RAVER2: variants seen among roughly 807,000 people sequenced by gnomAD.
The protein encoded by RAVER2 is ribonucleoprotein PTB-binding 2.
In RAVER2, 46 loss-of-function variants were observed where a neutral mutation model predicts 78.1. The observed-to-expected ratio is 0.59, with a 90% confidence interval of 0.46 to 0.75. The LOEUF (loss-of-function observed/expected upper bound fraction) is 0.75, where lower values mean the gene tolerates loss of function less well. Ranked by LOEUF, RAVER2 falls within the 30% of genes least tolerant of loss-of-function variation. RAVER2 has a pLI of 0.00. For synonymous variants in RAVER2, 311 were observed against 313.3 expected, an observed-to-expected ratio of 0.99 and a Z score of 0.08; for missense variants, 793 against 837.5, an observed-to-expected ratio of 0.95 and a Z score of 0.66.
At chr1:64,769,246 A>G (rs1652252660) in intron 2 of RAVER2, among the ~76,000 whole-genome samples, 2 of 152,068 alleles carry the variant, frequency 1.3e-5, no homozygotes, top group Admixed American at 1.3e-4. Context: ...TCAAATGGTA[A>G]TATTTTGTCT....
rs753375050 is a variant in RAVER2 at position 64,755,724 on chromosome 1, G to GTTTTTTT, written c.249+10326_249+10332dup. Among the ~76,000 whole-genome samples, 40 of 60,660 alleles carry GTTTTTTT rather than the reference G, an allele frequency of 6.6e-4. 5 individuals carry two copies. The highest frequency in any genetic ancestry group is 1.7e-3 in the African/African-American group (23 of 13,886). 39.8% of individuals were successfully genotyped at this position (60,660 alleles called of 152,430 possible). On this transcript the variant is annotated intron_variant, in intron 1 of 11. Coordinates refer to ENST00000294428, the Ensembl canonical transcript of RAVER2. ...CATTTCTCTGACTTTATGCTTCATA[G>GTTTTTTT]TTTTTTTTTTTTTTTTTTTTTTTTT...
intron 1 of RAVER2, among the ~76,000 whole-genome samples, chr1:64,759,527 A>AT (rs1417091087): frequency 9.4e-5 from 10 of 106,824 alleles, no homozygotes; most frequent in Admixed American, 8.3e-4. Flanking sequence ...CCTATTTATT[A>AT]TTTTTTTGAG....
intron 4 of RAVER2, among the ~76,000 whole-genome samples, chr1:64,785,124 A>G (rs1652742421): frequency 6.6e-6 from 1 of 152,222 alleles, no homozygotes; most frequent in Non-Finnish European, 1.5e-5. Flanking sequence ...GATAGTAGTG[A>G]CAGTGAGAAA....
intron 1 of RAVER2, among the ~76,000 whole-genome samples, chr1:64,768,395 G>A (rs1317834566): frequency 6.6e-6 from 1 of 152,000 alleles, no homozygotes; most frequent in African/African-American, 2.4e-5. Context: ...GAATAAGTGT[G>A]AGTAGAAAGA....
At chr1:64,766,976 G>C (rs1475743148) in intron 1 of RAVER2, among the ~76,000 whole-genome samples, 1 of 152,030 alleles carries the variant, frequency 6.6e-6, no homozygotes. Context: ...CTTTATAATT[G>C]AGCATAGTAC....
chr1:64,745,320 C>T lies in RAVER2; in HGVS notation c.148C>T (p.His50Tyr). 6.6e-7 allele frequency: 1 copy of T among 1,526,130 alleles called. No individual in the cohort carries two copies. Among genetic ancestry groups the T allele is most frequent in the East Asian group, 2.7e-5 (1 of 37,642 alleles). 94.5% of individuals were successfully genotyped at this position (1,526,130 alleles called of 1,614,324 possible). Residue 50 changes from histidine (H) to tyrosine (Y), a missense_variant, in exon 1 of 12, where the codon CAC (histidine) becomes TAC (tyrosine). By Grantham distance (83) the His-to-Tyr change is moderately conservative. Coordinates refer to ENST00000294428, the Ensembl canonical transcript of RAVER2. The surrounding 1 kb of genome is among the most constrained non-coding windows in gnomAD (Gnocchi z 4.3). ...CCCGGACCCGATGCCCGCCGCGCTGCACCCTGAGGAGGTCGCCGCGCGACT... is the reference window on the plus strand; with the variant it reads ...CCCGGACCCGATGCCCGCCGCGCTGTACCCTGAGGAGGTCGCCGCGCGACT...
chr1:64,768,908 T>G (rs1004568434), intron 2 of RAVER2, among the ~76,000 whole-genome samples, 186 bp downstream of exon 2: 6 of 152,026 alleles, frequency 3.9e-5, no homozygotes, highest in Non-Finnish European at 5.9e-5. Context: ...ATTAATTGCA[T>G]AAATGAATAT....
At chr1:64,748,815 G>A (rs552229194) in intron 1 of RAVER2, among the ~76,000 whole-genome samples, 175 of 152,242 alleles carry the variant, frequency 1.1e-3, no homozygotes, top group Non-Finnish European at 1.8e-3. Context: ...CCCTGCCTAC[G>A]TTTCCAGTCT....
intron 1 of RAVER2, among the ~76,000 whole-genome samples, chr1:64,748,822 G>C (rs1259651707): frequency 6.6e-6 from 1 of 152,082 alleles, no homozygotes; most frequent in South Asian, 2.1e-4. Context: ...TACGTTTCCA[G>C]TCTCATTCCT....
chr1:64,766,451 T>C (rs1042304337), intron 1 of RAVER2, among the ~76,000 whole-genome samples: 2 of 152,148 alleles, frequency 1.3e-5, no homozygotes, highest in African/African-American at 4.8e-5. Flanking sequence ...AACCAGGGCA[T>C]GGAGAAAAAT....
In RAVER2 at chr1:64,768,591, T is replaced by C; in HGVS notation, c.250-65T>C. The stretch of plus-strand genomic sequence containing the variant: ...AATGGTGGTGGTGGTGGTAGGCTAA[T>C]AGAGCTAGATTATCTAGTAACTGCA... On this transcript the variant is annotated intron_variant, in intron 1 of 11. Coordinates refer to ENST00000294428, the Ensembl canonical transcript of RAVER2. 9.1e-6 allele frequency: 9 copies of C among 994,152 alleles called. No homozygotes were observed. In the South Asian group the frequency reaches 1.1e-4, roughly 12 times the overall value. 61.6% of individuals were successfully genotyped at this position (994,152 alleles called of 1,614,324 possible).
rs114170514 is a variant in RAVER2, at chr1:64,800,231, A to G, written c.1106-2745A>G. On this transcript the variant is annotated intron_variant, in intron 5 of 11. Transcript: ENST00000294428. ...TTGCAGATATTTTCTCCCATTCTAC[A>G]AGTTGTACGTGTTCACCCTATTGAT... Among the ~76,000 whole-genome samples the G allele has an allele frequency of 3.7e-3, 567 of 151,920 alleles. 7 individuals carry two copies. The highest frequency in any genetic ancestry group is 0.013 in the African/African-American group (543 of 41,436).
intron 2 of RAVER2, among the ~76,000 whole-genome samples, chr1:64,773,750 C>T (rs576821078): frequency 2.6e-5 from 4 of 152,320 alleles, no homozygotes; most frequent in East Asian, 1.9e-4. Flanking sequence ...CTTGAGGAAT[C>T]GCCACACTGT....
chr1:64,786,950 G>A (rs550004986), intron 4 of RAVER2, among the ~76,000 whole-genome samples: 4 of 152,092 alleles, frequency 2.6e-5, no homozygotes, highest in Non-Finnish European at 2.9e-5. Context: ...TATAGAATTG[G>A]TTTTTTGAGG....
rs1477322463 is a variant in RAVER2 at position 64,768,843 on chromosome 1, A to G, written c.316+121A>G. ...TCATGGAATTTTTAAGCCTTAAATC[A>G]TTCGAATGTAACCCACACTGTCTAT... is the stretch of plus-strand genomic sequence containing the variant. On this transcript the variant is annotated intron_variant, in intron 2 of 11. Coordinates refer to ENST00000294428, the Ensembl canonical transcript of RAVER2. The G allele has an allele frequency of 4.7e-6, 3 of 635,348 alleles. No individual in the cohort carries two copies. The Admixed American group carries it at 9.3e-5, about 20-fold the overall frequency. 39.4% of individuals were successfully genotyped at this position (635,348 alleles called of 1,614,324 possible). A position where few individuals can be genotyped will look rare whatever the true frequency, so the allele number is the denominator to read the frequency against.
At chr1:64,815,242 A>G (rs1330432817) in intron 11 of RAVER2, 1 of 152,414 alleles carries the variant, frequency 6.6e-6, no homozygotes, top group Non-Finnish European at 1.5e-5. Context: ...AATATTTACT[A>G]TCTGGTTCTT....
intron 4 of RAVER2, among the ~76,000 whole-genome samples, chr1:64,787,141 T>C (rs910158796): frequency 2.0e-5 from 3 of 152,250 alleles, no homozygotes; most frequent in Non-Finnish European, 4.4e-5. Context: ...TTTTGTAATG[T>C]CTATTACATT....
chr1:64,758,886 G>C (rs1215340821), intron 1 of RAVER2, among the ~76,000 whole-genome samples: 1 of 149,844 alleles, frequency 6.7e-6, no homozygotes, highest in Non-Finnish European at 1.5e-5. Context: ...GGTGATATTT[G>C]AAAGAAAAAT....
chr1:64,791,810 T>G (rs1392961391), intron 5 of RAVER2, among the ~76,000 whole-genome samples: 1 of 152,208 alleles, frequency 6.6e-6, no homozygotes, highest in Non-Finnish European at 1.5e-5. Context: ...TTTTAGCCAC[T>G]TATTCTGGTT....
Sources: allele counts gnomAD v4.1 joint callset (sites outside exome capture counted in the v4.1 genomes callset), GRCh38; gene constraint gnomAD v4.1.1; non-coding constraint Gnocchi (gnomAD v3.1); transcripts MANE v1.5; gene names NCBI Gene and HGNC (gene_info 2026-07-23, HGNC 2026-07-21).